STK39: variants seen among roughly 807,000 people sequenced by gnomAD.
STK39 encodes the protein serine/threonine kinase 39.
STK39 carries 20 observed loss-of-function variants against 77.8 expected under a neutral mutation model. The ratio of observed to expected loss-of-function variants is 0.26; its 90% CI spans 0.18 to 0.37. The LOEUF is 0.37. Among genes scored for constraint, STK39 ranks in the 10% least tolerant of loss-of-function variants. The pLI is 1.00. For synonymous variants in STK39, 246 were observed against 234.1 expected (o/e 1.05, Z -0.47); for missense variants, 479 against 656.5 (o/e 0.73, Z 2.95).
intron 10 of STK39, among the ~76,000 whole-genome samples, chr2:168,103,649 C>T (rs1044052491): frequency 6.6e-6 from 1 of 152,202 alleles, no homozygotes. Context: ...CTTAGACTAT[C>T]TCTTTAACAT....
intron 8 of STK39, among the ~76,000 whole-genome samples, chr2:168,133,390 T>TA (rs1687750284): frequency 6.6e-6 from 1 of 152,252 alleles, no homozygotes; most frequent in Non-Finnish European, 1.5e-5. Flanking sequence ...CTTCTTTTTT[T>TA]ATTGGCTTAA....
intron 14 of STK39, among the ~76,000 whole-genome samples, chr2:168,042,065 A>C (rs1026219503): frequency 6.6e-6 from 1 of 152,178 alleles, no homozygotes; most frequent in Non-Finnish European, 1.5e-5. Context: ...AGACAACTAT[A>C]ATTTCCTGGT....
At chr2:167,958,506 A>G (rs951700384) in intron 17 of STK39, among the ~76,000 whole-genome samples, 1 of 152,198 alleles carries the variant, frequency 6.6e-6, no homozygotes, top group Non-Finnish European at 1.5e-5. Context: ...AAGAAAACTC[A>G]AAGAGTGGCC....
chr2:168,095,657 T>G (rs1445913796), intron 10 of STK39, among the ~76,000 whole-genome samples: 1 of 146,144 alleles, frequency 6.8e-6, no homozygotes, highest in African/African-American at 2.6e-5. Flanking sequence ...GACGGAGTCT[T>G]GCTCTGTCGC....
intron 16 of STK39, among the ~76,000 whole-genome samples, chr2:167,967,860 T>C (rs186026274): frequency 3.9e-4 from 60 of 152,244 alleles, no homozygotes; most frequent in African/African-American, 1.4e-3. Flanking sequence ...AGGTGTATTG[T>C]GTGATGCTGA....
At chr2:168,078,543 C>A (rs568989200) in intron 10 of STK39, among the ~76,000 whole-genome samples, 68 of 152,284 alleles carry the variant, frequency 4.5e-4, no homozygotes, top group Admixed American at 5.2e-4. Context: ...AAAGAAGGCA[C>A]CTGGCCCCTG....
chr2:168,154,121 A>G (rs753304685), intron 5 of STK39, among the ~76,000 whole-genome samples: 1 of 152,220 alleles, frequency 6.6e-6, no homozygotes, highest in Non-Finnish European at 1.5e-5. Context: ...ATTTACTAAC[A>G]TATTGGATAG....
intron 16 of STK39, among the ~76,000 whole-genome samples, chr2:168,009,381 T>C (rs1684211723): frequency 1.3e-5 from 2 of 152,104 alleles, no homozygotes; most frequent in Non-Finnish European, 2.9e-5. Context: ...CACTGGTCCA[T>C]GGAAAAACAA....
At chr2:168,091,865 T>G (rs1311829899) in intron 10 of STK39, among the ~76,000 whole-genome samples, 1 of 152,210 alleles carries the variant, frequency 6.6e-6, no homozygotes, top group Non-Finnish European at 1.5e-5. Context: ...TACCTGTAAA[T>G]ACTTCAGTAT....
At chr2:168,236,509 G>T (rs1382339221) in intron 1 of STK39, among the ~76,000 whole-genome samples, 2 of 152,274 alleles carry the variant, frequency 1.3e-5, no homozygotes, top group Non-Finnish European at 1.5e-5. Flanking sequence ...TGGTGTTTTA[G>T]ACATGAAGTC....
intron 10 of STK39, among the ~76,000 whole-genome samples, chr2:168,126,501 G>A (rs999435368): frequency 1.3e-5 from 2 of 152,286 alleles, no homozygotes; most frequent in Non-Finnish European, 1.5e-5. Flanking sequence ...ACGTCTACAC[G>A]AAGTTTCCCA....
At chr2:168,183,113 T>C (rs913947605) in intron 1 of STK39, among the ~76,000 whole-genome samples, 3 of 152,232 alleles carry the variant, frequency 2.0e-5, no homozygotes, top group South Asian at 2.1e-4. Context: ...ATGACATTTC[T>C]AGTGCGAATC....
Position 168,089,759 on chromosome 2 carries a change from G to A in STK39, c.1090-14528C>T, listed in dbSNP as rs568470765. On this transcript the variant is annotated intron_variant, in intron 10 of 17. Coordinates refer to ENST00000355999, the MANE Select transcript of STK39 (RefSeq NM_013233.3). ...CTCCCGAGTAGCTGGGATTACAGGC[G>A]CCCGCCACCACGCCCAGCTAACTTT... is the stretch of plus-strand genomic sequence containing the variant. Among the ~76,000 whole-genome samples, 316 of 152,224 alleles carry A rather than the reference G, an allele frequency of 2.1e-3. 1 individual carries two copies. The highest frequency in any genetic ancestry group is 6.7e-3 in the African/African-American group (279 of 41,532).
intron 5 of STK39, 24 bp downstream of exon 5, chr2:168,161,763 A>C: frequency 1.3e-6 from 2 of 1,582,910 alleles, no homozygotes; most frequent in Non-Finnish European, 1.7e-6. Context: ...TCAAGTAAAA[A>C]ATTTTTCTAT....
chr2:168,177,966 C>G (rs1294126819), intron 2 of STK39, among the ~76,000 whole-genome samples: 3 of 152,058 alleles, frequency 2.0e-5, no homozygotes, highest in Non-Finnish European at 4.4e-5. Context: ...TCTCACCAAC[C>G]CAAAACAAAA....
intron 1 of STK39, among the ~76,000 whole-genome samples, chr2:168,194,689 A>T (rs1222955387): frequency 6.6e-6 from 1 of 152,220 alleles, no homozygotes; most frequent in Non-Finnish European, 1.5e-5. Flanking sequence ...AAAACATGAT[A>T]CCTCAAACAT....
intron 14 of STK39, among the ~76,000 whole-genome samples, chr2:168,034,702 G>A (rs74328730): frequency 0.029 from 4,369 of 152,232 alleles, 201 homozygotes; most frequent in East Asian, 0.2. Flanking sequence ...ATTATGGATC[G>A]GTCACGCAGA....
intron 7 of STK39, among the ~76,000 whole-genome samples, chr2:168,138,735 GC>G (rs1687901092): frequency 6.6e-6 from 1 of 152,144 alleles, no homozygotes; most frequent in South Asian, 2.1e-4. Flanking sequence ...ACAGAAAATT[GC>G]TAAAAGGCTT....
chr2:168,144,639 T>A (rs1006966741), intron 5 of STK39, among the ~76,000 whole-genome samples: 1 of 125,252 alleles, frequency 8.0e-6, no homozygotes, highest in Admixed American at 8.3e-5. Context: ...TTTATAAGAC[T>A]CATTTTTTTT....
Sources: gnomAD v4.1 joint callset for allele counts (sites outside exome capture counted in the v4.1 genomes callset) on GRCh38, gnomAD v4.1.1 for gene constraint, MANE v1.5 for transcripts, NCBI Gene and HGNC (gene_info 2026-07-23, HGNC 2026-07-21) for gene names.